VAV2: variants seen among roughly 807,000 people sequenced by gnomAD.
The protein encoded by VAV2 is vav guanine nucleotide exchange factor 2.
Under a neutral mutation model 132.5 loss-of-function variants are expected in VAV2, and 67 were observed. The ratio of observed to expected loss-of-function variants is 0.51; its 90% confidence interval spans 0.42 to 0.62. The LOEUF is 0.62. Ranked by LOEUF, VAV2 falls within the 20% of genes least tolerant of loss-of-function variation. VAV2 has a pLI of 0.00. For synonymous variants in VAV2, 492 were observed against 443.5 expected (o/e 1.11, Z -1.37); for missense variants, 938 against 1,153.6 (o/e 0.81, Z 2.71).
chr9:133,770,296 G>T, intron 27 of VAV2, 82 bp downstream of exon 27: 1 of 1,590,722 alleles, frequency 6.3e-7, no homozygotes. Flanking sequence ...GGGTCTGTGA[G>T]GGCAGGATCT....
At chr9:133,980,203 T>C (rs937139518) in intron 1 of VAV2, among the ~76,000 whole-genome samples, 1 of 152,196 alleles carries the variant, frequency 6.6e-6, no homozygotes, top group Non-Finnish European at 1.5e-5. Context: ...AGGGGCCATT[T>C]TGCCGGTGGA....
chr9:133,771,426 C>A (rs1360954781), intron 26 of VAV2, among the ~76,000 whole-genome samples: 1 of 152,118 alleles, frequency 6.6e-6, no homozygotes, highest in Non-Finnish European at 1.5e-5. Context: ...AAGCTAAGAG[C>A]CTGGGGGCTC....
intron 4 of VAV2, among the ~76,000 whole-genome samples, chr9:133,820,222 C>T (rs1358762363): frequency 2.6e-5 from 4 of 152,234 alleles, no homozygotes; most frequent in African/African-American, 9.6e-5. Context: ...ACAAGCTCTG[C>T]TCCCTAATAG....
At chr9:133,976,268 G>A (rs549868153) in intron 1 of VAV2, among the ~76,000 whole-genome samples, 5 of 152,112 alleles carry the variant, frequency 3.3e-5, no homozygotes, top group Non-Finnish European at 7.4e-5. Flanking sequence ...GATCCTTTCT[G>A]CAGCAGCTAG....
chr9:133,969,887 C>A lies in VAV2; in HGVS notation c.204+22188G>T, dbSNP rs772037875. Reference sequence around the variant, plus strand: ...GCAGACACAGTGGAGCTTTCCAAAGCCAAATCTGAGCACGCCACATCTGCA... The same window carrying A: ...GCAGACACAGTGGAGCTTTCCAAAGACAAATCTGAGCACGCCACATCTGCA... On this transcript the variant is annotated intron_variant, in intron 1 of 29. Coordinates refer to ENST00000371850, the MANE Select transcript of VAV2 (RefSeq NM_001134398.2). This position sits in a 1 kb window ranked among gnomAD's most constrained non-coding sequence, Gnocchi z 5.1. Among the ~76,000 whole-genome samples the A allele has an allele frequency of 6.6e-6, 1 of 152,094 alleles. No individual in the cohort carries two copies. Among genetic ancestry groups the A allele is most frequent in the African/African-American group, 2.4e-5 (1 of 41,416 alleles).
In VAV2 at chr9:133,912,556, G is replaced by A. The variant is rs1486215056; in HGVS notation, c.321+26547C>T. Among the ~76,000 whole-genome samples, 3 of 152,108 alleles carry A rather than the reference G, an allele frequency of 2.0e-5. No homozygotes were observed. The highest frequency in any genetic ancestry group is 4.4e-5 in the Non-Finnish European group (3 of 68,008). On this transcript the variant is annotated intron_variant, in intron 2 of 29. Coordinates refer to ENST00000371850, the MANE Select transcript of VAV2 (RefSeq NM_001134398.2). This position sits in a 1 kb window ranked among gnomAD's most constrained non-coding sequence, Gnocchi z 4.3. ...CCAAATTCTGGGGGTGGGGGCACAC[G>A]GGGAGAGGTTCCTGCACCCTAACGT...
chr9:133,836,965 C>T (rs1836496195), intron 3 of VAV2, among the ~76,000 whole-genome samples: 1 of 152,216 alleles, frequency 6.6e-6, no homozygotes, highest in Admixed American at 6.5e-5. Flanking sequence ...GGGACTCAGA[C>T]AGAACCCACC....
At chr9:133,831,799 C>G (rs1285007336) in intron 4 of VAV2, among the ~76,000 whole-genome samples, 1 of 152,266 alleles carries the variant, frequency 6.6e-6, no homozygotes, top group African/African-American at 2.4e-5. Flanking sequence ...CGGCCAGGAG[C>G]TCCCCAGGCT....
rs1199348907 is a variant in VAV2 at position 133,834,698 on chromosome 9, G to A, written c.381-358C>T. ...TTACCCACCCTCCCACTTCCAGGGG[G>A]TTCACAGTGGAGATGAGGCTCCTCG... On this transcript the variant is annotated intron_variant, in intron 3 of 29. Transcript: ENST00000371850. The surrounding 1 kb of genome is among the most constrained non-coding windows in gnomAD (Gnocchi z 5.9). Among the ~76,000 whole-genome samples, 1 of 152,228 alleles carries A rather than the reference G, an allele frequency of 6.6e-6. No individual in the cohort carries two copies. The highest frequency in any genetic ancestry group is 2.1e-4 in the South Asian group (1 of 4,834).
chr9:133,842,178 T>G (rs1197787306), intron 3 of VAV2, among the ~76,000 whole-genome samples: 1 of 152,242 alleles, frequency 6.6e-6, no homozygotes, highest in Non-Finnish European at 1.5e-5. Context: ...CACACTCTGC[T>G]GGCATCTCAG....
At chr9:133,821,023 AC>A (rs1481226396) in intron 4 of VAV2, among the ~76,000 whole-genome samples, 2 of 151,334 alleles carry the variant, frequency 1.3e-5, no homozygotes, top group African/African-American at 4.9e-5. Flanking sequence ...GACCCAGCCC[AC>A]TCTCCCCCAG....
At chr9:133,849,309 C>T (rs180832158) in intron 3 of VAV2, among the ~76,000 whole-genome samples, 1 of 152,288 alleles carries the variant, frequency 6.6e-6, no homozygotes, top group Non-Finnish European at 1.5e-5. Flanking sequence ...TCCTTGAACC[C>T]CAAACCTCCC....
chr9:133,871,140 ATGGGCAGATGGATGGG>A (rs1032485200), intron 2 of VAV2, among the ~76,000 whole-genome samples: 7 of 148,618 alleles, frequency 4.7e-5, no homozygotes, highest in Admixed American at 1.3e-4. Flanking sequence ...GGATGGATGG[ATGGGCAGATGGATGGG>A]TGGGCAGATG....
intron 4 of VAV2, among the ~76,000 whole-genome samples, chr9:133,818,365 C>CAAAA (rs34171114): frequency 1.0e-5 from 1 of 99,666 alleles, no homozygotes; most frequent in Non-Finnish European, 2.1e-5. Flanking sequence ...GACTCCATCT[C>CAAAA]AAAAAAAAAA....
chr9:133,776,759 G>A (rs1315325098), intron 23 of VAV2, among the ~76,000 whole-genome samples: 5 of 152,118 alleles, frequency 3.3e-5, no homozygotes, highest in Non-Finnish European at 7.3e-5. Flanking sequence ...CAGGCGGACG[G>A]GACTGGGGCT....
At chr9:133,873,619 G>A (rs956514561) in intron 2 of VAV2, among the ~76,000 whole-genome samples, 3 of 152,204 alleles carry the variant, frequency 2.0e-5, no homozygotes, top group South Asian at 2.1e-4. Flanking sequence ...ATGCCAGCAC[G>A]GAAGCCCTGT....
At chr9:133,783,124 G>A (rs1330597778) in intron 19 of VAV2, among the ~76,000 whole-genome samples, 1 of 152,208 alleles carries the variant, frequency 6.6e-6, no homozygotes, top group Non-Finnish European at 1.5e-5. Flanking sequence ...CACCCGCCGG[G>A]AGAACCCAGG....
chr9:133,844,002 C>T (rs1346655970), intron 3 of VAV2, among the ~76,000 whole-genome samples: 2 of 152,176 alleles, frequency 1.3e-5, no homozygotes, highest in African/African-American at 4.8e-5. Context: ...ATGGTGAATA[C>T]ACCAGAGCCC....
At chr9:133,945,983 G>C (rs1213803101) in intron 1 of VAV2, among the ~76,000 whole-genome samples, 1 of 152,204 alleles carries the variant, frequency 6.6e-6, no homozygotes, top group African/African-American at 2.4e-5. Context: ...TGACTCCCAC[G>C]ATGCTGGGAC....
Sources: gnomAD v4.1 joint callset for allele counts (sites outside exome capture counted in the v4.1 genomes callset) on GRCh38, gnomAD v4.1.1 for gene constraint, Gnocchi (gnomAD v3.1) non-coding constraint, MANE v1.5 for transcripts, NCBI Gene and HGNC (gene_info 2026-07-23, HGNC 2026-07-21) for gene names.